The following EXT1 variants were observed in gnomAD, a reference collection of about 807,000 sequenced individuals.
EXT1 encodes the protein exostosin glycosyltransferase 1, also known as exostosin-1.
In EXT1, 20 loss-of-function variants were observed where a neutral mutation model predicts 82.5. The ratio of observed to expected loss-of-function variants is 0.24; its 90% confidence interval spans 0.17 to 0.35. The LOEUF (loss-of-function observed/expected upper bound fraction) is 0.35. Among genes scored for constraint, EXT1 ranks in the 10% least tolerant of loss-of-function variants. EXT1 has a pLI of 1.00. For missense variants in EXT1, 757 were observed against 936.5 expected, an observed-to-expected ratio of 0.81 and a Z score of 2.50; for synonymous variants, 348 against 350.8, an observed-to-expected ratio of 0.99 and a Z score of 0.09.
At chr8:118,087,756 T>C (rs939695615) in intron 1 of EXT1, among the ~76,000 whole-genome samples, 3 of 152,162 alleles carry the variant, frequency 2.0e-5, no homozygotes, top group Non-Finnish European at 4.4e-5. Context: ...TGTTGTTACA[T>C]ATTAATGTAC....
intron 1 of EXT1, among the ~76,000 whole-genome samples, chr8:118,030,100 T>C (rs1303371254): frequency 2.0e-5 from 3 of 152,166 alleles, no homozygotes; most frequent in Non-Finnish European, 2.9e-5. Context: ...AATGATTAGA[T>C]TTAAAACCGT....
At chr8:117,895,771 A>G (rs969645627) in intron 1 of EXT1, among the ~76,000 whole-genome samples, 1 of 152,180 alleles carries the variant, frequency 6.6e-6, no homozygotes, top group African/African-American at 2.4e-5. Context: ...GACCCACTTC[A>G]AAGGTTTCAT....
intron 1 of EXT1, among the ~76,000 whole-genome samples, chr8:118,083,963 A>G (rs1341780858): frequency 6.6e-6 from 1 of 152,168 alleles, no homozygotes; most frequent in Non-Finnish European, 1.5e-5. Flanking sequence ...CGGGAGGCAG[A>G]GGCTGTAGTG....
chr8:118,063,848 T>G (rs926781980), intron 1 of EXT1, among the ~76,000 whole-genome samples: 5 of 150,784 alleles, frequency 3.3e-5, no homozygotes, highest in African/African-American at 1.2e-4. Context: ...GAGCTACACT[T>G]TATTTATTTA....
At position 118,089,655 on chromosome 8, in the gene EXT1, C is replaced by CT. The variant is rs569662125; in HGVS notation, c.962+20429dup. 3.3e-3 allele frequency among the ~76,000 whole-genome samples: 500 copies of CT among 152,208 alleles called. 1 individual carries two copies. Among genetic ancestry groups the CT allele is most frequent in the African/African-American group, 0.012 (481 of 41,522 alleles). ...CAATCTAGATTTTAAAAAATATGTC[C>CT]TTTTTTAACACATTCGCCAGATTAT... On this transcript the variant is annotated intron_variant, in intron 1 of 10. Coordinates refer to ENST00000378204, the MANE Select transcript of EXT1 (RefSeq NM_000127.3).
chr8:117,840,423 G>A (rs1230398980), intron 1 of EXT1, among the ~76,000 whole-genome samples: 1 of 152,108 alleles, frequency 6.6e-6, no homozygotes, highest in Non-Finnish European at 1.5e-5. Context: ...AACCAGTCTG[G>A]CCAACATGGT....
At chr8:117,884,358 A>G (rs1444845591) in intron 1 of EXT1, among the ~76,000 whole-genome samples, 1 of 152,140 alleles carries the variant, frequency 6.6e-6, no homozygotes, top group Non-Finnish European at 1.5e-5. Flanking sequence ...AAAGAGTAGA[A>G]ATCTGTGACA....
In EXT1 at chr8:117,798,027, T is replaced by A. The variant is rs1310821169; in HGVS notation, c.*1685A>T. ...ACTTCTCTGGACTTCCACAAACACT[T>A]TCACTCCTGTTTACAGCACCATCCC... On this transcript the variant is annotated 3_prime_UTR_variant, in exon 11 of 11. Transcript: ENST00000378204. 3 of 152,172 alleles carry A rather than the reference T, an allele frequency of 2.0e-5. No homozygotes were observed. The highest frequency in any genetic ancestry group is 7.2e-5 in the African/African-American group (3 of 41,434). 9.4% of individuals were successfully genotyped at this position (152,172 alleles called of 1,614,324 possible). A position where few individuals can be genotyped will look rare whatever the true frequency, so the allele number is the denominator to read the frequency against.
intron 1 of EXT1, among the ~76,000 whole-genome samples, chr8:118,091,991 A>T (rs1817534193): frequency 6.6e-6 from 1 of 152,216 alleles, no homozygotes; most frequent in African/African-American, 2.4e-5. Context: ...TGGGAAACAG[A>T]TTAAAAACAA....
In EXT1 at chr8:118,019,912, G is replaced by C. The variant is rs898415071; in HGVS notation, c.962+90173C>G. Among the ~76,000 whole-genome samples, 7 of 152,160 alleles carry C rather than the reference G, an allele frequency of 4.6e-5. No homozygotes were observed. The South Asian group carries it at 1.4e-3, about 32-fold the overall frequency. ...ACCAAGCAATAAACCCATTGCATGAGGAATGCTTCTTTCATAGTCTCATGT... is the reference window on the plus strand; with the variant it reads ...ACCAAGCAATAAACCCATTGCATGACGAATGCTTCTTTCATAGTCTCATGT... On this transcript the variant is annotated intron_variant, in intron 1 of 10. Transcript: ENST00000378204.
intron 1 of EXT1, among the ~76,000 whole-genome samples, chr8:117,962,524 C>T (rs1449099038): frequency 6.6e-6 from 1 of 151,944 alleles, no homozygotes; most frequent in East Asian, 1.9e-4. Flanking sequence ...AGGCCAAAGC[C>T]AGCAGTCACT....
intron 1 of EXT1, among the ~76,000 whole-genome samples, chr8:117,989,298 A>G (rs1035288019): frequency 4.0e-5 from 6 of 149,402 alleles, no homozygotes; most frequent in Non-Finnish European, 5.9e-5. Flanking sequence ...CCACATTACT[A>G]TGGTCTGGAG....
intron 7 of EXT1, among the ~76,000 whole-genome samples, chr8:117,813,906 T>C (rs767327217): frequency 5.9e-5 from 9 of 151,882 alleles, no homozygotes; most frequent in Non-Finnish European, 1.2e-4. Context: ...CTTGGGAGGC[T>C]GAGGCAGGAG....
At chr8:117,981,404 G>A (rs1038784507) in intron 1 of EXT1, among the ~76,000 whole-genome samples, 2 of 152,124 alleles carry the variant, frequency 1.3e-5, no homozygotes, top group Non-Finnish European at 2.9e-5. Flanking sequence ...ACTATTTTAG[G>A]TCTATTCTAG....
At chr8:117,944,296 A>G (rs1174810371) in intron 1 of EXT1, among the ~76,000 whole-genome samples, 9 of 152,220 alleles carry the variant, frequency 5.9e-5, no homozygotes, top group Admixed American at 4.6e-4. Context: ...GCTACTCAGG[A>G]AGCTGAGGCA....
intron 1 of EXT1, among the ~76,000 whole-genome samples, chr8:117,845,605 A>C (rs768908406): frequency 1.3e-5 from 2 of 152,144 alleles, no homozygotes; most frequent in Non-Finnish European, 2.9e-5. Context: ...ACTTTTTAAA[A>C]ACTTTTTTTA....
At chr8:117,905,303 G>A (rs1254420484) in intron 1 of EXT1, among the ~76,000 whole-genome samples, 6 of 152,116 alleles carry the variant, frequency 3.9e-5, no homozygotes, top group Admixed American at 3.3e-4. Context: ...CAAGAGGCAC[G>A]TAGGTACCAA....
intron 1 of EXT1, among the ~76,000 whole-genome samples, chr8:118,068,687 T>C (rs1035184346): frequency 2.0e-5 from 3 of 152,182 alleles, no homozygotes; most frequent in Non-Finnish European, 2.9e-5. Flanking sequence ...CCTGGATATA[T>C]ATTTCCTATT....
At chr8:117,951,194 C>A (rs1814484731) in intron 1 of EXT1, among the ~76,000 whole-genome samples, 1 of 152,084 alleles carries the variant, frequency 6.6e-6, no homozygotes, top group Non-Finnish European at 1.5e-5. Flanking sequence ...AAGGGAAGAA[C>A]AGAAATAACT....
Sources: allele counts gnomAD v4.1 joint callset (sites outside exome capture counted in the v4.1 genomes callset), GRCh38; gene constraint gnomAD v4.1.1; transcripts MANE v1.5; gene names NCBI Gene and HGNC (gene_info 2026-07-23, HGNC 2026-07-21).